The following CCBE1 variants were observed in gnomAD, a reference collection of about 807,000 sequenced individuals.
The protein encoded by CCBE1 is collagen and calcium binding EGF domains 1.
In CCBE1, 37 loss-of-function variants were observed where a neutral mutation model predicts 50.0. The ratio of observed to expected loss-of-function variants is 0.74; its 90% CI spans 0.57 to 0.97. The LOEUF is 0.97. Ranked by LOEUF, CCBE1 falls within the 50% of genes least tolerant of loss-of-function variation. The probability of loss-of-function intolerance (pLI) is 0.00; values close to 1 mark genes in which losing one functional copy is unlikely to be tolerated. For synonymous variants in CCBE1, 234 were observed against 203.7 expected, an observed-to-expected ratio of 1.15 and a Z score of -1.27; for missense variants, 538 against 523.8, an observed-to-expected ratio of 1.03 and a Z score of -0.26.
intron 1 of CCBE1, 109 bp from the exon 2 acceptor site, chr18:59,696,818 G>A: frequency 2.4e-6 from 3 of 1,228,444 alleles, no homozygotes; most frequent in Non-Finnish European, 3.5e-6. Flanking sequence ...CCCCGTCCCG[G>A]CGCTCTGGGC....
intron 2 of CCBE1, among the ~76,000 whole-genome samples, chr18:59,589,346 A>C (rs1202394968): frequency 6.6e-6 from 1 of 152,234 alleles, no homozygotes; most frequent in Non-Finnish European, 1.5e-5. Flanking sequence ...ACAGGCCCAT[A>C]TGGTTTTACT....
chr18:59,490,150 A>AT (rs1167195137), intron 2 of CCBE1, among the ~76,000 whole-genome samples: 1 of 151,508 alleles, frequency 6.6e-6, no homozygotes, highest in Non-Finnish European at 1.5e-5. Context: ...TGCCCAGCTA[A>AT]TTTTTTGTAT....
chr18:59,695,201 C>T (rs754080337), intron 2 of CCBE1, among the ~76,000 whole-genome samples: 9 of 152,086 alleles, frequency 5.9e-5, no homozygotes, highest in South Asian at 2.1e-4. Flanking sequence ...ATGTTAAATT[C>T]GAGGCTTTAT....
At chr18:59,523,773 G>T (rs914623042) in intron 2 of CCBE1, among the ~76,000 whole-genome samples, 1 of 152,138 alleles carries the variant, frequency 6.6e-6, no homozygotes, top group African/African-American at 2.4e-5. Flanking sequence ...CACAAAGGGT[G>T]AGCCAGGATA....
At chr18:59,474,498 G>A (rs991347120) in intron 3 of CCBE1, among the ~76,000 whole-genome samples, 1 of 152,148 alleles carries the variant, frequency 6.6e-6, no homozygotes, top group Admixed American at 6.5e-5. Context: ...GCCTGAGAGT[G>A]AAGTCATTCT....
intron 5 of CCBE1, chr18:59,455,333 A>G: frequency 2.8e-6 from 1 of 351,908 alleles, no homozygotes; most frequent in Admixed American, 3.8e-5. Context: ...CACACTGTAA[A>G]TATTCCCCAA....
At position 59,490,621 on chromosome 18, in the gene CCBE1, G is replaced by A. The variant is rs1280897638; in HGVS notation, c.213-10383C>T. On this transcript the variant is annotated intron_variant, in intron 2 of 10. Transcript: ENST00000439986. ...ATACAGGCATGTCTGCGCCAATCAC[G>A]ATTCACTTCGCCAACCCAAAACAGC... Among the ~76,000 whole-genome samples, 3 of 152,202 alleles carry A rather than the reference G, an allele frequency of 2.0e-5. No homozygotes were observed. In the East Asian group the frequency reaches 5.8e-4, roughly 29 times the overall value.
rs149938518 is a variant in CCBE1 at position 59,592,597 on chromosome 18, T to TAAA, written c.212+104029_212+104031dup. ...ACACTGTATGCCAACTTTACTATAA[T>TAAA]AAAGGGGACAAAACTATAGATAGAT... On this transcript the variant is annotated intron_variant, in intron 2 of 10. Transcript: ENST00000439986. Among the ~76,000 whole-genome samples the TAAA allele has an allele frequency of 2.1e-3, 314 of 152,224 alleles. 4 individuals carry two copies. The East Asian group carries it at 0.032, about 15-fold the overall frequency.
At chr18:59,549,098 G>A (rs1191969252) in intron 2 of CCBE1, among the ~76,000 whole-genome samples, 5 of 67,624 alleles carry the variant, frequency 7.4e-5, no homozygotes, top group East Asian at 1.1e-3. Context: ...ATAAGACTCC[G>A]TCTCAAAAAA....
chr18:59,614,292 G>A (rs1169859733), intron 2 of CCBE1, among the ~76,000 whole-genome samples: 1 of 152,136 alleles, frequency 6.6e-6, no homozygotes, highest in Non-Finnish European at 1.5e-5. Context: ...GAGCCATCGT[G>A]CCTGGTTCTC....
intron 3 of CCBE1, among the ~76,000 whole-genome samples, chr18:59,476,403 T>C (rs1293405556): frequency 6.6e-6 from 1 of 152,118 alleles, no homozygotes; most frequent in African/African-American, 2.4e-5. Context: ...GTAGAACAAA[T>C]GAGATCATCC....
In CCBE1 at chr18:59,658,239, C is replaced by A. The variant is rs1304710018; in HGVS notation, c.212+38390G>T. ...ACAAACATTACAGGGCACAGTGGCT[C>A]ACACTTTGGGGATGCCGAGGCAGGA... On this transcript the variant is annotated intron_variant, in intron 2 of 10. Coordinates refer to ENST00000439986, the MANE Select transcript of CCBE1 (RefSeq NM_133459.4). Among the ~76,000 whole-genome samples, 3 of 139,438 alleles carry A rather than the reference C, an allele frequency of 2.2e-5. No individual in the cohort carries two copies. The Admixed American group carries it at 2.2e-4, about 10-fold the overall frequency. 91.5% of individuals were successfully genotyped at this position (139,438 alleles called of 152,430 possible).
rs1446753346 is a variant in CCBE1, at chr18:59,448,086, G to T, written c.672C>A (p.Asn224Lys). ...TATACTTGCCCAGGTCAGCTGCATT[G>T]TTGGGGAGCAGAGCAATCTGCAAGG... ...QLKQKIALLP[N>K]NAADLGKYIT... Residue 224 changes from asparagine to lysine, a missense_variant, in exon 7 of 11, where the codon AAC becomes AAA. Transcript: ENST00000439986. 4 of 1,614,014 alleles carry T rather than the reference G, an allele frequency of 2.5e-6. No individual in the cohort carries two copies. The African/African-American group carries it at 5.3e-5, about 22-fold the overall frequency.
At chr18:59,502,430 C>A (rs1396888784) in intron 2 of CCBE1, among the ~76,000 whole-genome samples, 1 of 146,810 alleles carries the variant, frequency 6.8e-6, no homozygotes. Flanking sequence ...AAATAATCCA[C>A]CCCCACTACC....
chr18:59,532,557 T>G (rs528192067), intron 2 of CCBE1, among the ~76,000 whole-genome samples: 37 of 152,334 alleles, frequency 2.4e-4, no homozygotes, highest in Non-Finnish European at 3.1e-4. Flanking sequence ...GGAATTAACA[T>G]TTACTGAGTA....
chr18:59,634,018 G>A (rs1039726634), intron 2 of CCBE1, among the ~76,000 whole-genome samples: 1 of 152,166 alleles, frequency 6.6e-6, no homozygotes, highest in Non-Finnish European at 1.5e-5. Flanking sequence ...TAAATGTGAG[G>A]AAGAAGTGAA....
chr18:59,652,104 G>A (rs1336988745), intron 2 of CCBE1, among the ~76,000 whole-genome samples: 1 of 152,052 alleles, frequency 6.6e-6, no homozygotes, highest in Admixed American at 6.5e-5. Flanking sequence ...ATGTGAATGC[G>A]AACATGTGAT....
chr18:59,435,049 T>C lies in CCBE1; in HGVS notation c.*859A>G, dbSNP rs543805747. The C allele has an allele frequency of 6.6e-6, 1 of 152,332 alleles. No individual in the cohort carries two copies. The highest frequency in any genetic ancestry group is 6.5e-5 in the Admixed American group (1 of 15,306). The allele number at this position is 152,332 out of a possible 1,614,324, so 9.4% of individuals were successfully genotyped here. Reference sequence around the variant, plus strand: ...CAGTTTATTGAACAAATAATCTATATTTATAGAGCAGACTCCACTGTTGAT... The same window carrying C: ...CAGTTTATTGAACAAATAATCTATACTTATAGAGCAGACTCCACTGTTGAT... On this transcript the variant is annotated 3_prime_UTR_variant, in exon 11 of 11. Coordinates refer to ENST00000439986, the MANE Select transcript of CCBE1 (RefSeq NM_133459.4).
chr18:59,481,031 T>C (rs1462450333), intron 2 of CCBE1, among the ~76,000 whole-genome samples: 1 of 152,182 alleles, frequency 6.6e-6, no homozygotes, highest in Non-Finnish European at 1.5e-5. Context: ...CAAAATAACC[T>C]ATATGTTGGA....
Sources: gnomAD v4.1 joint callset for allele counts (sites outside exome capture counted in the v4.1 genomes callset) on GRCh38, gnomAD v4.1.1 for gene constraint, MANE v1.5 for transcripts, NCBI Gene and HGNC (gene_info 2026-07-23, HGNC 2026-07-21) for gene names.